MGAM: variants seen among roughly 807,000 people sequenced by gnomAD.
The protein encoded by MGAM is maltase-glucoamylase, also known as alpha-1,4-glucosidase.
In MGAM, 253 loss-of-function variants were observed where a neutral mutation model predicts 358.8. The observed-to-expected ratio is 0.71, with a 90% confidence interval of 0.64 to 0.78. MGAM has a LOEUF of 0.78. Ranked by LOEUF, MGAM falls within the 30% of genes least tolerant of loss-of-function variation. The pLI, the probability that MGAM is intolerant of heterozygous loss-of-function variation, is 0.00. For synonymous variants in MGAM, 1,105 were observed against 1,227.1 expected, an observed-to-expected ratio of 0.90 and a Z score of 2.08; for missense variants, 3,080 against 3,432.6, an observed-to-expected ratio of 0.90 and a Z score of 2.57.
chr7:142,055,921 G>C, intron 28 of MGAM, 79 bp from the exon 29 acceptor site: 2 of 1,485,268 alleles, frequency 1.3e-6, no homozygotes, highest in Admixed American at 3.9e-5. Context: ...AGCCATGTTA[G>C]CAAGCACATT....
In MGAM at chr7:142,055,173, G is replaced by A. The variant is rs552521930; in HGVS notation, c.3314+265G>A. Among the ~76,000 whole-genome samples the A allele has an allele frequency of 8.5e-5, 13 of 152,288 alleles. No individual in the cohort carries two copies. In the South Asian group the frequency reaches 1.0e-3, roughly 12 times the overall value. ...GATTAGGTGCTGCTCCTTATACACA[G>A]CTGAGGTTTCTCTTCTCATGACAAC... On this transcript the variant is annotated intron_variant, in intron 27 of 70. Coordinates refer to ENST00000475668, the MANE Select transcript of MGAM (RefSeq NM_001365693.1).
At chr7:142,024,034 G>C (rs1806717716) in intron 7 of MGAM, among the ~76,000 whole-genome samples, 1 of 152,016 alleles carries the variant, frequency 6.6e-6, no homozygotes, top group South Asian at 2.1e-4. Context: ...AGGAGTTCAA[G>C]ATCAACCTGG....
At position 142,054,885 on chromosome 7, in the gene MGAM, C is replaced by A. The variant is rs1216311843; in HGVS notation, c.3291C>A (p.Arg1097=). The change falls in exon 27 of 71, where the codon CGC becomes CGA. Residue 1097 remains arginine (R), a synonymous_variant. Coordinates refer to ENST00000475668, the MANE Select transcript of MGAM (RefSeq NM_001365693.1). ...IKKNPFGIEI[R]RKSTGTIIWD... ...AGAATCCATTTGGGATTGAAATTCG[C>A]CGGAAGAGTACAGGCACTATAATGT... 20 of 1,613,700 alleles carry A rather than the reference C, an allele frequency of 1.2e-5. No homozygotes were observed. Among genetic ancestry groups the A allele is most frequent in the Admixed American group, 1.7e-5 (1 of 59,994 alleles).
intron 19 of MGAM, among the ~76,000 whole-genome samples, 184 bp from the exon 20 acceptor site, chr7:142,039,931 G>A (rs531365031): frequency 6.7e-4 from 102 of 152,226 alleles, no homozygotes; most frequent in African/African-American, 2.1e-3. Context: ...ATGTGGCTAC[G>A]TTTGGGATTT....
chr7:142,044,566 G>A (rs1366291752), intron 21 of MGAM, among the ~76,000 whole-genome samples: 4 of 97,026 alleles, frequency 4.1e-5, no homozygotes, highest in Admixed American at 1.2e-4. Context: ...ATATACACGT[G>A]TAATATATGA....
At chr7:142,064,352 T>C (rs1433302098) in intron 36 of MGAM, 32 bp from the exon 37 acceptor site, 1 of 1,591,468 alleles carries the variant, frequency 6.3e-7, no homozygotes, top group Non-Finnish European at 8.6e-7. Context: ...GAATCAGGGC[T>C]GGGTTTCACC....
At chr7:142,105,293 ATT>A (rs34188746) in intron 70 of MGAM, among the ~76,000 whole-genome samples, 37,120 of 147,924 alleles carry the variant, frequency 0.25, 5,419 homozygotes, top group Non-Finnish European at 0.33. Context: ...CATATTGAAC[ATT>A]TTTTTTTTTT....
Position 142,050,606 on chromosome 7 carries a change from G to A in MGAM, c.2638-91G>A, listed in dbSNP as rs914831741. 8 of 1,306,178 alleles carry A rather than the reference G, an allele frequency of 6.1e-6. 1 individual carries two copies. Among genetic ancestry groups the A allele is most frequent in the South Asian group, 2.6e-5 (2 of 76,412 alleles). The allele number at this position is 1,306,178 out of a possible 1,614,324, so 80.9% of individuals were successfully genotyped here. A position where few individuals can be genotyped will look rare whatever the true frequency, so the allele number is the denominator to read the frequency against. On this transcript the variant is annotated intron_variant, in intron 23 of 70. Coordinates refer to ENST00000475668, the MANE Select transcript of MGAM (RefSeq NM_001365693.1). ...AGAGAGGCATTTATGGCAGTGGGGG[G>A]TATCCGGTCTGGAATGGAATATTTG...
At position 142,039,468 on chromosome 7, in the gene MGAM, A is replaced by T. The variant is rs1808309224; in HGVS notation, c.2317-647A>T. Among the ~76,000 whole-genome samples, 13 of 152,196 alleles carry T rather than the reference A, an allele frequency of 8.5e-5. No individual in the cohort carries two copies. In the South Asian group the frequency reaches 2.7e-3, roughly 32 times the overall value. On this transcript the variant is annotated intron_variant, in intron 19 of 70. Transcript: ENST00000475668. Reference sequence around the variant, plus strand: ...ACTATCACCAGGACAGAACCAAGGGAATGGTGTAAACCATTCATGAGAAAT... The same window carrying T: ...ACTATCACCAGGACAGAACCAAGGGTATGGTGTAAACCATTCATGAGAAAT...
chr7:142,097,715 A>G, intron 66 of MGAM, 66 bp downstream of exon 66: 1 of 1,494,000 alleles, frequency 6.7e-7, no homozygotes, highest in Non-Finnish European at 9.3e-7. Context: ...TTTAGATCTG[A>G]TAGACCTTAG....
In MGAM at chr7:142,075,782, G is replaced by C. The variant is rs116268307; in HGVS notation, c.5276-421G>C. ...CATGGAAATCATAAAAAAGAAAGGA[G>C]AGAAGTGCTGGTGAGGGTGTGGAGA... is the stretch of plus-strand genomic sequence containing the variant. On this transcript the variant is annotated intron_variant, in intron 45 of 70. Transcript: ENST00000475668. Among the ~76,000 whole-genome samples, 258 of 146,046 alleles carry C rather than the reference G, an allele frequency of 1.8e-3. 9 individuals carry two copies. The highest frequency in any genetic ancestry group is 6.2e-3 in the African/African-American group (257 of 41,202).
At chr7:142,068,855 C>T (rs1813079038) in intron 43 of MGAM, among the ~76,000 whole-genome samples, 152 bp downstream of exon 43, 1 of 146,328 alleles carries the variant, frequency 6.8e-6, no homozygotes, top group African/African-American at 2.4e-5. Flanking sequence ...TCTCAGTTTT[C>T]TCACCTCCAA....
At chr7:142,037,508 T>C (rs1388497874) in intron 18 of MGAM, among the ~76,000 whole-genome samples, 1 of 152,186 alleles carries the variant, frequency 6.6e-6, no homozygotes, top group Non-Finnish European at 1.5e-5. Context: ...CTTAAGAGCA[T>C]TTTCTTGTCA....
rs114327106 is a variant in MGAM at position 142,017,457 on chromosome 7, G to A, written c.328-1742G>A. Among the ~76,000 whole-genome samples, 739 of 152,266 alleles carry A rather than the reference G, an allele frequency of 4.9e-3. 11 individuals carry two copies. The highest frequency in any genetic ancestry group is 0.017 in the African/African-American group (710 of 41,554). On this transcript the variant is annotated intron_variant, in intron 3 of 70. Coordinates refer to ENST00000475668, the MANE Select transcript of MGAM (RefSeq NM_001365693.1). ...CTTCTTGCAATGGCTCAGCTCTACTGTAGAAGCTGGCATTTTTGAGTTGGC... is the reference window on the plus strand; with the variant it reads ...CTTCTTGCAATGGCTCAGCTCTACTATAGAAGCTGGCATTTTTGAGTTGGC...
At chr7:142,050,011 C>T (rs1034248785) in intron 22 of MGAM, among the ~76,000 whole-genome samples, 14 of 152,168 alleles carry the variant, frequency 9.2e-5, no homozygotes, top group Non-Finnish European at 1.6e-4. Context: ...TTCATTACAG[C>T]ATTATGTGCA....
chr7:142,032,790 CT>C (rs781886831), intron 13 of MGAM, 34 bp from the exon 14 acceptor site: 1 of 1,360,736 alleles, frequency 7.3e-7, no homozygotes, highest in East Asian at 2.3e-5. Flanking sequence ...TAACATGTTA[CT>C]TTTTCTTAAT....
At chr7:142,060,822 C>CT (rs1376676280) in intron 34 of MGAM, among the ~76,000 whole-genome samples, 3 of 152,050 alleles carry the variant, frequency 2.0e-5, no homozygotes, top group East Asian at 1.9e-4. Flanking sequence ...GTATATCTTT[C>CT]TTTTTTTCCC....
At chr7:142,024,979 TA>T in intron 7 of MGAM, 70 bp from the exon 8 acceptor site, 1 of 1,142,218 alleles carries the variant, frequency 8.8e-7, no homozygotes, top group Non-Finnish European at 1.3e-6. Flanking sequence ...ACTGATTTCC[TA>T]AACCAACCCC....
At chr7:142,010,712 G>A (rs143810486) in intron 3 of MGAM, among the ~76,000 whole-genome samples, 1 of 152,156 alleles carries the variant, frequency 6.6e-6, no homozygotes, top group East Asian at 1.9e-4. Context: ...AGTACATATA[G>A]TGGTTTATTA....
Sources: gnomAD v4.1 joint callset for allele counts (sites outside exome capture counted in the v4.1 genomes callset) on GRCh38, gnomAD v4.1.1 for gene constraint, MANE v1.5 for transcripts, NCBI Gene and HGNC (gene_info 2026-07-23, HGNC 2026-07-21) for gene names.